The following VDR variants were observed in gnomAD, a reference collection of about 807,000 sequenced individuals.
VDR encodes the protein vitamin D receptor.
A neutral mutation model predicts 39.7 loss-of-function variants in VDR; 19 were observed. The ratio of observed to expected loss-of-function variants is 0.48; its 90% CI spans 0.33 to 0.70. The LOEUF (loss-of-function observed/expected upper bound fraction) is 0.70. Among genes scored for constraint, VDR ranks in the 30% least tolerant of loss-of-function variants. The probability of loss-of-function intolerance (pLI) is 0.02; values close to 1 mark genes in which losing one functional copy is unlikely to be tolerated. For synonymous variants in VDR, 242 were observed against 215.8 expected, an observed-to-expected ratio of 1.12 and a Z score of -1.07; for missense variants, 442 against 570.5, an observed-to-expected ratio of 0.77 and a Z score of 2.29.
intron 3 of VDR, among the ~76,000 whole-genome samples, chr12:47,866,107 A>C (rs1487805210): frequency 7.0e-6 from 1 of 142,980 alleles, no homozygotes; most frequent in Non-Finnish European, 1.6e-5. Context: ...ATTTCCCTAG[A>C]AAAAACCCTT....
At chr12:47,856,535 TG>T (rs1945490498) in intron 6 of VDR, among the ~76,000 whole-genome samples, 1 of 150,576 alleles carries the variant, frequency 6.6e-6, no homozygotes, top group Non-Finnish European at 1.5e-5. Flanking sequence ...CTAACTGGTA[TG>T]GAAAAACAAT....
At chr12:47,855,570 T>C in intron 7 of VDR, 60 bp downstream of exon 7, 1 of 1,597,102 alleles carries the variant, frequency 6.3e-7, no homozygotes, top group Non-Finnish European at 8.6e-7. Flanking sequence ...TCTCCAACCC[T>C]TCTTGTAGCT....
intron 4 of VDR, among the ~76,000 whole-genome samples, chr12:47,859,858 CTT>C (rs1945573755): frequency 4.0e-5 from 2 of 50,060 alleles, no homozygotes; most frequent in African/African-American, 1.8e-4. Context: ...TCCTTCCTTC[CTT>C]CCTTCTTTCC....
intron 4 of VDR, among the ~76,000 whole-genome samples, chr12:47,859,840 C>CCCTT (rs1404449370): frequency 2.3e-4 from 32 of 138,444 alleles, no homozygotes; most frequent in Non-Finnish European, 4.0e-4. Flanking sequence ...CCCTTCCTTT[C>CCCTT]CCTTCCTTCC....
chr12:47,902,921 T>C (rs1946594018), intron 1 of VDR, among the ~76,000 whole-genome samples: 1 of 151,974 alleles, frequency 6.6e-6, no homozygotes, highest in South Asian at 2.1e-4. Context: ...GGGGGTAGAG[T>C]GTAGGGGTTC....
At chr12:47,860,370 C>A (rs1945601883) in intron 4 of VDR, among the ~76,000 whole-genome samples, 1 of 152,182 alleles carries the variant, frequency 6.6e-6, no homozygotes, top group East Asian at 1.9e-4. Flanking sequence ...AATGCATCCA[C>A]ACAGATTACA....
At chr12:47,882,628 T>TCCCCCCCCCCCCCCCCCCCC in intron 2 of VDR, 66 bp downstream of exon 2, 5 of 187,188 alleles carry the variant, frequency 2.7e-5, no homozygotes, top group South Asian at 6.6e-5. Context: ...CTTATGCCCC[T>TCCCCCCCCCCCCCCCCCCCC]CCCCCCCACC....
rs371596427 is a variant in VDR, at chr12:47,869,492, T to C, written c.147-4315A>G. ...TGGAGCTTGCAGTGAGCTGAGATCG[T>C]GCCACTACACTTCAGCCTGGGGGAC... On this transcript the variant is annotated intron_variant, in intron 3 of 9. Coordinates refer to ENST00000549336, the MANE Select transcript of VDR (RefSeq NM_000376.3). Among the ~76,000 whole-genome samples the C allele has an allele frequency of 1.6e-4, 21 of 129,400 alleles. 1 individual carries two copies. Among genetic ancestry groups the C allele is most frequent in the East Asian group, 1.4e-3 (6 of 4,410 alleles). The allele number at this position is 129,400 out of a possible 152,430, so 84.9% of individuals were successfully genotyped here.
chr12:47,862,368 AG>A (rs1383909574), intron 4 of VDR, among the ~76,000 whole-genome samples: 8 of 152,250 alleles, frequency 5.3e-5, no homozygotes, highest in Non-Finnish European at 8.8e-5. Flanking sequence ...GTGGCCCACA[AG>A]CCTGCCCTTT....
chr12:47,883,819 G>A (rs926861748), intron 1 of VDR, among the ~76,000 whole-genome samples: 1 of 152,190 alleles, frequency 6.6e-6, no homozygotes, highest in Admixed American at 6.5e-5. Context: ...CCAAGACCTG[G>A]GCCCGGTCCT....
intron 1 of VDR, among the ~76,000 whole-genome samples, chr12:47,895,694 A>G (rs1001530380): frequency 6.6e-6 from 1 of 152,136 alleles, no homozygotes; most frequent in African/African-American, 2.4e-5. Flanking sequence ...CTTCCCCAAC[A>G]CCAACAGTGA....
At chr12:47,870,263 G>C (rs910705375) in intron 3 of VDR, among the ~76,000 whole-genome samples, 2 of 152,218 alleles carry the variant, frequency 1.3e-5, no homozygotes, top group African/African-American at 4.8e-5. Flanking sequence ...CGAGGAGTCA[G>C]GGCAGCCAGA....
At position 47,843,866 on chromosome 12, in the gene VDR, G is replaced by T. The variant is rs1269708577; in HGVS notation, c.*880C>A. The T allele has an allele frequency of 2.0e-5, 3 of 152,150 alleles. No individual in the cohort carries two copies. Among genetic ancestry groups the T allele is most frequent in the Non-Finnish European group, 4.4e-5 (3 of 68,032 alleles). 9.4% of individuals were successfully genotyped at this position (152,150 alleles called of 1,614,324 possible). A position where few individuals can be genotyped will look rare whatever the true frequency, so the allele number is the denominator to read the frequency against. ...TCCAGACCCTCTCCCCTGGGGAGGGGGTGGGGGAGCAGGCTCTCGGCTACT... is the reference window on the plus strand; with the variant it reads ...TCCAGACCCTCTCCCCTGGGGAGGGTGTGGGGGAGCAGGCTCTCGGCTACT... On this transcript the variant is annotated 3_prime_UTR_variant, in exon 10 of 10. Transcript: ENST00000549336.
Position 47,852,486 on chromosome 12 carries a change from C to T in VDR, c.755+3144G>A, listed in dbSNP as rs1037917002. On this transcript the variant is annotated intron_variant, in intron 7 of 9. Coordinates refer to ENST00000549336, the MANE Select transcript of VDR (RefSeq NM_000376.3). ...GTAAACCCTGGGCTCAGAGCAATGC[C>T]GGGCTCACACAAGATCTGTCGCTTG... Among the ~76,000 whole-genome samples, 7 of 152,328 alleles carry T rather than the reference C, an allele frequency of 4.6e-5. 1 individual carries two copies. In the East Asian group the frequency reaches 1.2e-3, roughly 25 times the overall value.
At position 47,844,916 on chromosome 12, in the gene VDR, G is replaced by A; in HGVS notation, c.1114C>T (p.Pro372Ser). ...TLQTYIRCRH[P>S]PPGSHLLYAK... ...TAGAGCAGGTGGCTGCCCGGGGGCG[G>A]GTGGCGGCAGCGGATGTACGTCTGC... The change falls in exon 10 of 10, where the codon CCG becomes TCG. Residue 372 changes from proline (P) to serine (S), a missense_variant. Transcript: ENST00000549336. The A allele has an allele frequency of 6.2e-7, 1 of 1,614,132 alleles. No individual in the cohort carries two copies. Among genetic ancestry groups the A allele is most frequent in the South Asian group, 1.1e-5 (1 of 91,086 alleles).
chr12:47,883,653 T>C (rs1419990230), intron 1 of VDR, among the ~76,000 whole-genome samples: 1 of 152,050 alleles, frequency 6.6e-6, no homozygotes, highest in Non-Finnish European at 1.5e-5. Context: ...AAACACACAC[T>C]TCTTTCCTTC....
Position 47,865,044 on chromosome 12 carries a change from C to A in VDR, c.277+3G>T. On this transcript the variant is annotated splice_donor_region_variant and intron_variant, in intron 4 of 9. Transcript: ENST00000549336. ...AAACCCTGCCCAGCCCCTGGACACT[C>A]ACACTCCTTCATCATGCCGATGTCC... 1 of 1,613,364 alleles carries A rather than the reference C, an allele frequency of 6.2e-7. No individual in the cohort carries two copies. The highest frequency in any genetic ancestry group is 1.1e-5 in the South Asian group (1 of 91,064).
In VDR at chr12:47,855,757, C is replaced by T. The variant is rs1218913622; in HGVS notation, c.628G>A (p.Glu210Lys). The change falls in exon 7 of 10, where the codon GAA becomes AAA. Residue 210 changes from glutamate (E) to lysine (K), a missense_variant. Transcript: ENST00000549336. ...SSFSNLDLSE[E>K]DSDDPSVTLE... ...GTCACAGAAGGGTCATCTGAATCTT[C>T]TTCACTCAGATCCAGATTGGAGAAG... 1.2e-6 allele frequency: 2 copies of T among 1,614,188 alleles called. No individual in the cohort carries two copies. The highest frequency in any genetic ancestry group is 8.5e-7 in the Non-Finnish European group (1 of 1,180,010).
At chr12:47,880,068 T>A (rs530018457) in intron 2 of VDR, among the ~76,000 whole-genome samples, 1 of 152,082 alleles carries the variant, frequency 6.6e-6, no homozygotes, top group Non-Finnish European at 1.5e-5. Flanking sequence ...CTGGGATACC[T>A]CAGACTGCCC....
Sources: gnomAD v4.1 joint callset for allele counts (sites outside exome capture counted in the v4.1 genomes callset) on GRCh38, gnomAD v4.1.1 for gene constraint, MANE v1.5 for transcripts, NCBI Gene and HGNC (gene_info 2026-07-23, HGNC 2026-07-21) for gene names.